ATP13A5: variants seen among roughly 807,000 people sequenced by gnomAD.
ATP13A5 encodes the protein ATPase 13A5, also known as probable cation-transporting ATPase 13A5.
In ATP13A5, 149 loss-of-function variants were observed where a neutral mutation model predicts 150.2. That is an observed-to-expected ratio of 0.99 (90% CI 0.87 to 1.14). ATP13A5 has a LOEUF of 1.14. Ranked by LOEUF, ATP13A5 falls within the 50% of genes most tolerant of loss-of-function variation. The pLI, the probability that ATP13A5 is intolerant of heterozygous loss-of-function variation, is 0.00. For missense variants in ATP13A5, 1,383 were observed against 1,449.3 expected (o/e 0.95, Z 0.74); for synonymous variants, 497 against 522.2 (o/e 0.95, Z 0.66).
intron 1 of ATP13A5, among the ~76,000 whole-genome samples, chr3:193,375,137 C>T (rs980020595): frequency 7.2e-5 from 11 of 152,204 alleles, no homozygotes; most frequent in Non-Finnish European, 1.5e-4. Context: ...TACCTGTGTA[C>T]CCGTTTCACC....
At chr3:193,321,573 G>C (rs1211693649) in intron 16 of ATP13A5, 108 bp downstream of exon 16, 74 of 1,247,660 alleles carry the variant, frequency 5.9e-5, no homozygotes, top group Non-Finnish European at 8.0e-5. Flanking sequence ...GGAGGCTACA[G>C]TGAGCTGAGA....
At chr3:193,350,248 A>G (rs190093975) in intron 7 of ATP13A5, among the ~76,000 whole-genome samples, 1 of 152,240 alleles carries the variant, frequency 6.6e-6, no homozygotes, top group East Asian at 1.9e-4. Flanking sequence ...AAAATGAATG[A>G]AAAATATGAT....
chr3:193,332,042 G>A (rs943886070), intron 11 of ATP13A5, among the ~76,000 whole-genome samples: 2 of 152,156 alleles, frequency 1.3e-5, no homozygotes, highest in African/African-American at 4.8e-5. Flanking sequence ...CGGTTTGGCT[G>A]TGTCCCGACC....
rs1717662720 is a variant in ATP13A5, at chr3:193,285,082, T to C, written c.3058A>G (p.Thr1020Ala). The C allele has an allele frequency of 6.2e-7, 1 of 1,613,900 alleles. No individual in the cohort carries two copies. Among genetic ancestry groups the C allele is most frequent in the Non-Finnish European group, 8.5e-7 (1 of 1,179,914 alleles). ...CAGTTTCTTTCCAAACTCACATTTG[T>C]TGAAAAATTACTTTGGTTGGCCAGA... ...CFLANQSNFSTNVSLERNWTG... is the reference protein window; with the variant it reads ...CFLANQSNFSANVSLERNWTG... Residue 1020 changes from threonine to alanine, a missense_variant, in exon 27 of 30, where the codon ACA (threonine) becomes GCA (alanine). Thr to Ala is a moderately conservative substitution (Grantham distance 58). Transcript: ENST00000342358.
At chr3:193,313,951 G>T in intron 19 of ATP13A5, 82 bp downstream of exon 19, 1 of 1,454,314 alleles carries the variant, frequency 6.9e-7, no homozygotes, top group South Asian at 1.3e-5. Context: ...GATGACTCCT[G>T]GAGTTGAGAG....
chr3:193,312,033 T>G (rs1652738173), intron 19 of ATP13A5, 92 bp from the exon 20 acceptor site: 2 of 1,508,316 alleles, frequency 1.3e-6, no homozygotes, highest in Non-Finnish European at 1.8e-6. Flanking sequence ...TCATGTTGCC[T>G]AACAGTGTGA....
chr3:193,304,107 A>G (rs1351796858), intron 23 of ATP13A5, among the ~76,000 whole-genome samples: 1 of 152,198 alleles, frequency 6.6e-6, no homozygotes, highest in African/African-American at 2.4e-5. Flanking sequence ...CACTAGAGAT[A>G]GTAACCAAAG....
intron 1 of ATP13A5, among the ~76,000 whole-genome samples, 192 bp from the exon 2 acceptor site, chr3:193,364,472 C>A (rs1713165055): frequency 2.0e-5 from 3 of 152,076 alleles, no homozygotes; most frequent in African/African-American, 7.2e-5. Flanking sequence ...TATTTTACTA[C>A]CCTGGTATAT....
At chr3:193,318,747 G>A (rs1412310864) in intron 17 of ATP13A5, among the ~76,000 whole-genome samples, 2 of 152,118 alleles carry the variant, frequency 1.3e-5, no homozygotes, top group African/African-American at 4.8e-5. Flanking sequence ...ATAACACACT[G>A]GTATCTTGGA....
chr3:193,353,627 C>T (rs143540983), intron 6 of ATP13A5, among the ~76,000 whole-genome samples: 289 of 152,172 alleles, frequency 1.9e-3, no homozygotes, highest in African/African-American at 6.3e-3. Flanking sequence ...AGAGATCCCA[C>T]GATGGGATTA....
intron 12 of ATP13A5, among the ~76,000 whole-genome samples, chr3:193,330,143 G>A (rs761209646): frequency 1.3e-5 from 2 of 152,096 alleles, no homozygotes; most frequent in Non-Finnish European, 2.9e-5. Context: ...TCTGAGCCTG[G>A]GGCTTATTCT....
chr3:193,354,291 G>T, intron 5 of ATP13A5, 95 bp from the exon 6 acceptor site: 1 of 1,113,346 alleles, frequency 9.0e-7, no homozygotes, highest in Non-Finnish European at 1.3e-6. Flanking sequence ...TCTACTCTTT[G>T]GAGATTTTGT....
Position 193,314,167 on chromosome 3 carries a change from C to T in ATP13A5, c.2185G>A (p.Val729Ile). 2 of 1,613,812 alleles carry T rather than the reference C, an allele frequency of 1.2e-6. No homozygotes were observed. The highest frequency in any genetic ancestry group is 1.7e-6 in the Non-Finnish European group (2 of 1,179,798). The part of the protein sequence containing the change: ...TGDNLQTAIT[V>I]AKNSEMIPPG... ...GGGATCATTTCAGAATTCTTTGCAA[C>T]AGTAATGGCCGTTTGAAGGTTATCA... The change falls in exon 19 of 30, where the codon GTT becomes ATT. Residue 729 changes from valine (V) to isoleucine (I), a missense_variant. Physicochemically the swap from Val to Ile is conservative, Grantham distance 29 (BLOSUM62 3). This residue lies in a region of ATP13A5 where 568 missense variants were observed against 621.5 expected (regional missense o/e 0.91). Transcript: ENST00000342358.
intron 1 of ATP13A5, among the ~76,000 whole-genome samples, chr3:193,371,000 C>G (rs1009226994): frequency 2.6e-5 from 4 of 152,160 alleles, no homozygotes; most frequent in Non-Finnish European, 5.9e-5. Context: ...ACTACCATAA[C>G]AAGAGTGCTA....
rs139835302 is a variant in ATP13A5, at chr3:193,355,224, G to A, written c.537-1028C>T. On this transcript the variant is annotated intron_variant, in intron 5 of 29. Transcript: ENST00000342358. ...TGAGATTACAAGCGTGAGCCAGCAC[G>A]CCCGGCCTACAATGTAACTTTTAAA... Among the ~76,000 whole-genome samples, 857 of 152,194 alleles carry A rather than the reference G, an allele frequency of 5.6e-3. 8 individuals are homozygous for A. Among genetic ancestry groups the A allele is most frequent in the African/African-American group, 0.02 (822 of 41,502 alleles).
intron 7 of ATP13A5, among the ~76,000 whole-genome samples, chr3:193,346,268 T>C (rs1712331941): frequency 6.6e-6 from 1 of 152,184 alleles, no homozygotes; most frequent in East Asian, 1.9e-4. Flanking sequence ...GCACGTTAAC[T>C]GGAAAGACTT....
chr3:193,299,123 G>A lies in ATP13A5; in HGVS notation c.2848+8C>T. Reference sequence around the variant, plus strand: ...AAACAATATAGTTTTCTTTGCTAAAGAGCTTACTTGTTAAACAGACCATCA... The same window carrying A: ...AAACAATATAGTTTTCTTTGCTAAAAAGCTTACTTGTTAAACAGACCATCA... On this transcript the variant is annotated splice_region_variant and intron_variant, in intron 25 of 29. Coordinates refer to ENST00000342358, the MANE Select transcript of ATP13A5 (RefSeq NM_198505.4). 6.3e-7 allele frequency: 1 copy of A among 1,586,344 alleles called. No individual in the cohort carries two copies. Among genetic ancestry groups the A allele is most frequent in the Non-Finnish European group, 8.6e-7 (1 of 1,164,960 alleles).
intron 2 of ATP13A5, 135 bp downstream of exon 2, chr3:193,363,972 T>C: frequency 1.0e-6 from 1 of 998,592 alleles, no homozygotes; most frequent in Non-Finnish European, 1.5e-6. Context: ...TTTTCTCCTG[T>C]TTTGATCTAT....
chr3:193,368,826 T>A (rs533838962), intron 1 of ATP13A5, among the ~76,000 whole-genome samples: 2 of 152,224 alleles, frequency 1.3e-5, no homozygotes, highest in Non-Finnish European at 2.9e-5. Flanking sequence ...ATGTGACAAC[T>A]GAAACAATAA....
Sources: gnomAD v4.1 joint callset for allele counts (sites outside exome capture counted in the v4.1 genomes callset) on GRCh38, gnomAD v4.1.1 for gene constraint, gnomAD v4.1.1 regional missense constraint, MANE v1.5 for transcripts, NCBI Gene and HGNC (gene_info 2026-07-23, HGNC 2026-07-21) for gene names.